The following MOSPD2 variants were observed in gnomAD, a reference collection of about 807,000 sequenced individuals.
MOSPD2 encodes motile sperm domain-containing protein 2.
MOSPD2 carries 5 observed loss-of-function variants against 41.7 expected under a neutral mutation model. That is an observed-to-expected ratio of 0.12 (90% confidence interval 0.06 to 0.25). The LOEUF (loss-of-function observed/expected upper bound fraction) is 0.25, where lower values mean the gene tolerates loss of function less well. MOSPD2 is among the 10% of genes least tolerant of loss of function. The pLI is 1.00. For synonymous variants in MOSPD2, 115 were observed against 126.9 expected (o/e 0.91, Z 0.63); for missense variants, 282 against 375.2 (o/e 0.75, Z 2.05).
chrX:14,889,876 TA>T (rs1460979427), intron 2 of MOSPD2, among the ~76,000 whole-genome samples: 1 of 111,712 alleles, frequency 9.0e-6, no homozygotes, highest in Non-Finnish European at 1.9e-5. Flanking sequence ...GCAGTGGTGG[TA>T]AAAATGACAA....
chrX:14,914,379 T>A, intron 10 of MOSPD2, 124 bp from the exon 11 acceptor site: 1 of 428,537 alleles, frequency 2.3e-6, no homozygotes, highest in Non-Finnish European at 4.0e-6. Context: ...TAAGTCTTTT[T>A]TGGTGAAATG....
At chrX:14,892,403 A>G (rs906464210) in intron 2 of MOSPD2, among the ~76,000 whole-genome samples, 6 of 111,306 alleles carry the variant, frequency 5.4e-5, no homozygotes, top group Admixed American at 3.8e-4. Flanking sequence ...ACTAAGAGCA[A>G]GAATTCAGTC....
intron 7 of MOSPD2, among the ~76,000 whole-genome samples, chrX:14,904,573 A>T (rs2147496385): frequency 8.9e-6 from 1 of 111,830 alleles, no homozygotes; most frequent in South Asian, 3.7e-4. Context: ...AGGTTTGATA[A>T]GTCTAGTGAA....
intron 8 of MOSPD2, among the ~76,000 whole-genome samples, chrX:14,910,709 G>A (rs1205605965): frequency 9.0e-6 from 1 of 111,534 alleles, no homozygotes; most frequent in Admixed American, 9.6e-5. Flanking sequence ...TAATGTGTGA[G>A]AATTCTTGAA....
intron 5 of MOSPD2, among the ~76,000 whole-genome samples, chrX:14,900,294 C>T (rs1482667336): frequency 9.0e-6 from 1 of 111,376 alleles, no homozygotes; most frequent in Admixed American, 9.6e-5. Flanking sequence ...TGCCCTGTTG[C>T]CTTAGTAGCC....
chrX:14,907,964 T>A (rs191231910), intron 7 of MOSPD2, among the ~76,000 whole-genome samples: 331 of 112,299 alleles, frequency 2.9e-3, no homozygotes, highest in Middle Eastern at 0.014. Context: ...TTAAATGTTA[T>A]GTAAAAAACT....
In MOSPD2 at chrX:14,912,325, C is replaced by G. The variant is rs145104885; in HGVS notation, c.956C>G (p.Pro319Arg). The G allele has an allele frequency of 1.3e-4, 152 of 1,172,469 alleles. No individual in the cohort carries two copies. Among genetic ancestry groups the G allele is most frequent in the Middle Eastern group, 1.2e-3 (5 of 4,197 alleles). Reference protein sequence around the residue: ...VDSKVKAFKKPLSVFKGPLLH... With the variant: ...VDSKVKAFKKRLSVFKGPLLH... ...TCAAAAGTGAAAGCTTTCAAGAAAC[C>G]ATTGAGTGTATTTAAAGGCCCCTTA... The change falls in exon 10 of 15, where the codon CCA (proline) becomes CGA (arginine). Residue 319 changes from proline (P) to arginine (R), a missense_variant. Coordinates refer to ENST00000380492, the MANE Select transcript of MOSPD2 (RefSeq NM_152581.4).
chrX:14,912,851 A>G (rs765411495), intron 10 of MOSPD2, among the ~76,000 whole-genome samples: 16 of 111,932 alleles, frequency 1.4e-4, no homozygotes, highest in Non-Finnish European at 2.8e-4. Flanking sequence ...TTGTATAAAG[A>G]CCTTTTTCTC....
In MOSPD2 at chrX:14,892,769, A is replaced by G; in HGVS notation, c.126A>G (p.Gln42=). ...CACGTGATGTTGAAAGGCTACAACA[A>G]GATGATAACTGGGTTGAAAGTTACT... The part of the protein sequence containing the change: ...YDARDVERLQ[Q]DDNWVESYLS... Residue 42 remains glutamine, a synonymous_variant, in exon 3 of 15, where the codon CAA becomes CAG. Coordinates refer to ENST00000380492, the MANE Select transcript of MOSPD2 (RefSeq NM_152581.4). 8.3e-7 allele frequency: 1 copy of G among 1,203,355 alleles called. No individual in the cohort carries two copies. Among genetic ancestry groups the G allele is most frequent in the African/African-American group, 1.7e-5 (1 of 57,722 alleles).
At chrX:14,878,206 G>A (rs1016556761) in intron 2 of MOSPD2, among the ~76,000 whole-genome samples, 1 of 111,377 alleles carries the variant, frequency 9.0e-6, no homozygotes, top group African/African-American at 3.3e-5. Flanking sequence ...CAGTAGTTGA[G>A]ATTATTTCCT....
intron 2 of MOSPD2, among the ~76,000 whole-genome samples, chrX:14,889,036 C>T (rs752394387): frequency 6.2e-4 from 69 of 111,397 alleles, no homozygotes; most frequent in African/African-American, 2.0e-3. Context: ...GGGAAGTCTC[C>T]GATCAAGGTG....
At chrX:14,888,198 A>ACACACGCG (rs1399872980) in intron 2 of MOSPD2, among the ~76,000 whole-genome samples, 8 of 33,112 alleles carry the variant, frequency 2.4e-4, no homozygotes, top group Admixed American at 1.1e-3. Context: ...GAATATATAC[A>ACACACGCG]CACACACGCA....
intron 2 of MOSPD2, among the ~76,000 whole-genome samples, chrX:14,888,352 C>G (rs1174909697): frequency 2.7e-5 from 3 of 110,282 alleles, no homozygotes; most frequent in Non-Finnish European, 3.8e-5. Flanking sequence ...GTGGGAGAAA[C>G]CTGGTGGGAG....
chrX:14,892,833 A>T lies in MOSPD2; in HGVS notation c.190A>T (p.Met64Leu). ...TAATATTGTAGATGAAACACTGAAGATGCTCGATGAGAGTTTTCAGTGGAG... is the reference window on the plus strand; with the variant it reads ...TAATATTGTAGATGAAACACTGAAGTTGCTCGATGAGAGTTTTCAGTGGAG... ...RHNIVDETLK[M>L]LDESFQWRKE... The change falls in exon 3 of 15, where the codon ATG (methionine) becomes TTG (leucine). Residue 64 changes from methionine to leucine, a missense_variant. Coordinates refer to ENST00000380492, the MANE Select transcript of MOSPD2 (RefSeq NM_152581.4). 1 of 1,207,761 alleles carries T rather than the reference A, an allele frequency of 8.3e-7. No individual in the cohort carries two copies. Among genetic ancestry groups the T allele is most frequent in the East Asian group, 3.0e-5 (1 of 33,815 alleles).
At position 14,873,752 on chromosome X, in the gene MOSPD2, G is replaced by A. The variant is rs2147472671; in HGVS notation, c.73G>A (p.Val25Met). 8.3e-7 allele frequency: 1 copy of A among 1,202,026 alleles called. No individual in the cohort carries two copies. The highest frequency in any genetic ancestry group is 1.1e-6 in the Non-Finnish European group (1 of 886,457). The change falls in exon 2 of 15, where the codon GTG becomes ATG. Residue 25 changes from valine (V) to methionine (M), a missense_variant. By Grantham distance (21) the Val-to-Met change is conservative. Coordinates refer to ENST00000380492, the MANE Select transcript of MOSPD2 (RefSeq NM_152581.4). The part of the protein sequence containing the change: ...ETRRRFEAEY[V>M]TDKSDKYDAR... ...CCGGAGGAGGTTCGAAGCTGAGTAT[G>A]TGACAGGTGGGTACTCTGTTCCAGG...
chrX:14,896,686 G>A lies in MOSPD2; in HGVS notation c.323-398G>A, dbSNP rs775079616. Among the ~76,000 whole-genome samples the A allele has an allele frequency of 2.7e-5, 3 of 112,729 alleles. 1 individual carries two copies. In the East Asian group the frequency reaches 8.4e-4, roughly 31 times the overall value. ...TTTACCGTGCTCCACACACACGCAC[G>A]GCACTGGCTCATGCCTCCATCGCCC... On this transcript the variant is annotated intron_variant, in intron 4 of 14. Transcript: ENST00000380492.
chrX:14,889,392 C>T (rs1278977531), intron 2 of MOSPD2, among the ~76,000 whole-genome samples: 3 of 111,927 alleles, frequency 2.7e-5, no homozygotes, highest in African/African-American at 9.7e-5. Context: ...ATTTATCACC[C>T]TTGGCCTTGT....
intron 4 of MOSPD2, among the ~76,000 whole-genome samples, chrX:14,896,258 G>T (rs1694363192): frequency 9.1e-6 from 1 of 110,345 alleles, no homozygotes; most frequent in Admixed American, 9.7e-5. Context: ...CCCACTGACT[G>T]CCCCCTCCTG....
intron 6 of MOSPD2, 53 bp from the exon 7 acceptor site, chrX:14,902,913 T>C: frequency 2.2e-6 from 2 of 898,223 alleles, no homozygotes; most frequent in South Asian, 4.1e-5. Context: ...GTATGAGTGA[T>C]ATTATTATAG....
Sources: gnomAD v4.1 joint callset for allele counts (sites outside exome capture counted in the v4.1 genomes callset) on GRCh38, gnomAD v4.1.1 for gene constraint, MANE v1.5 for transcripts, NCBI Gene and HGNC (gene_info 2026-07-23, HGNC 2026-07-21) for gene names.